The following SLC39A8 variants were observed in gnomAD, a reference collection of about 807,000 sequenced individuals.
SLC39A8 encodes metal cation symporter ZIP8.
Under a neutral mutation model 40.4 loss-of-function variants are expected in SLC39A8, and 15 were observed. The observed-to-expected ratio is 0.37, with a 90% confidence interval of 0.25 to 0.57. The LOEUF is 0.57. SLC39A8 is among the 20% of genes least tolerant of loss of function. SLC39A8 has a pLI of 0.75. For synonymous variants in SLC39A8, 223 were observed against 221.6 expected, an observed-to-expected ratio of 1.01 and a Z score of -0.06; for missense variants, 472 against 558.8, an observed-to-expected ratio of 0.84 and a Z score of 1.57.
chr4:102,328,450 G>T (rs533869928), intron 2 of SLC39A8, among the ~76,000 whole-genome samples: 24 of 152,110 alleles, frequency 1.6e-4, no homozygotes, highest in African/African-American at 5.5e-4. Flanking sequence ...GCTTAAACCA[G>T]CAGAATAGAG....
chr4:102,283,970 C>G (rs111920550), intron 6 of SLC39A8, among the ~76,000 whole-genome samples: 1 of 151,778 alleles, frequency 6.6e-6, no homozygotes, highest in Non-Finnish European at 1.5e-5. Flanking sequence ...TGGATGGTTC[C>G]TTCTTACAAT....
At chr4:102,276,819 C>T (rs772243385) in intron 6 of SLC39A8, among the ~76,000 whole-genome samples, 8 of 152,066 alleles carry the variant, frequency 5.3e-5, no homozygotes, top group African/African-American at 1.4e-4. Context: ...CCCTGGGATG[C>T]GAGGATGGTT....
chr4:102,291,400 G>A lies in SLC39A8; in HGVS notation c.840+12917C>T, dbSNP rs1408678600. Among the ~76,000 whole-genome samples the A allele has an allele frequency of 4.0e-5, 6 of 151,892 alleles. No homozygotes were observed. The East Asian group carries it at 1.2e-3, about 29-fold the overall frequency. Reference sequence around the variant, plus strand: ...TCACCTTACCCACAGAGTTTCTGCTGTCCATGGCAGATCTTCCCAATCTCC... The same window carrying A: ...TCACCTTACCCACAGAGTTTCTGCTATCCATGGCAGATCTTCCCAATCTCC... On this transcript the variant is annotated intron_variant, in intron 6 of 8. Coordinates refer to ENST00000356736, the MANE Select transcript of SLC39A8 (RefSeq NM_001135146.2).
rs149305433 is a variant in SLC39A8 at position 102,338,859 on chromosome 4, T to C, written c.219+5585A>G. On this transcript the variant is annotated intron_variant, in intron 2 of 8. Transcript: ENST00000356736. The stretch of plus-strand genomic sequence containing the variant: ...GAGTTGGTATGAGTATGAAACATGA[T>C]AATACAAATAAATTGGTTAAGGGAG... 6.4e-4 allele frequency among the ~76,000 whole-genome samples: 97 copies of C among 152,278 alleles called. No homozygotes were observed. The East Asian group carries it at 0.011, about 18-fold the overall frequency.
Position 102,320,038 on chromosome 4 carries a change from G to A in SLC39A8, c.220-4208C>T, listed in dbSNP as rs372704552. 8.0e-5 allele frequency among the ~76,000 whole-genome samples: 12 copies of A among 150,712 alleles called. No homozygotes were observed. In the East Asian group the frequency reaches 9.8e-4, roughly 12 times the overall value. ...TACACCACTGGCTCCTCTGGTTCTC[G>A]GGCTTTCAGACACAGGCTAAATTAA... On this transcript the variant is annotated intron_variant, in intron 2 of 8. Transcript: ENST00000356736.
intron 6 of SLC39A8, among the ~76,000 whole-genome samples, chr4:102,274,410 T>C (rs567828973): frequency 6.2e-4 from 94 of 151,948 alleles, no homozygotes; most frequent in African/African-American, 2.1e-3. Context: ...GAAAAAACAA[T>C]GAAGAGGAAC....
At chr4:102,255,129 C>G (rs1192703681) in intron 11 of SLC39A8, among the ~76,000 whole-genome samples, 2 of 152,150 alleles carry the variant, frequency 1.3e-5, no homozygotes, top group Non-Finnish European at 2.9e-5. Context: ...GAAGTTGACT[C>G]CTGACATTGA....
At position 102,320,191 on chromosome 4, in the gene SLC39A8, GTA is replaced by G. The variant is rs1371345326; in HGVS notation, c.220-4363_220-4362del. Among the ~76,000 whole-genome samples, 595 of 66,538 alleles carry G rather than the reference GTA, an allele frequency of 8.9e-3. 8 individuals carry two copies. Among genetic ancestry groups the G allele is most frequent in the Middle Eastern group, 0.047 (4 of 86 alleles). 43.7% of individuals were successfully genotyped at this position (66,538 alleles called of 152,430 possible). A position where few individuals can be genotyped will look rare whatever the true frequency, so the allele number is the denominator to read the frequency against. ...TACATATATATATATATATATATATGTATATATATATGTATATATATATGTAT... is the reference window on the plus strand; with the variant it reads ...TACATATATATATATATATATATATGTATATATATGTATATATATATGTAT... On this transcript the variant is annotated intron_variant, in intron 2 of 8. Transcript: ENST00000356736.
At chr4:102,317,356 GT>G (rs1209625931) in intron 2 of SLC39A8, among the ~76,000 whole-genome samples, 1 of 152,036 alleles carries the variant, frequency 6.6e-6, no homozygotes, top group Non-Finnish European at 1.5e-5. Flanking sequence ...TTTTTTTAAT[GT>G]CTAAGTATGT....
At chr4:102,265,060 C>T (rs1732040747) in intron 8 of SLC39A8, among the ~76,000 whole-genome samples, 1 of 152,182 alleles carries the variant, frequency 6.6e-6, no homozygotes, top group African/African-American at 2.4e-5. Context: ...TAATTTCCTT[C>T]ATCAATCCTT....
intron 6 of SLC39A8, among the ~76,000 whole-genome samples, chr4:102,269,404 TTTAA>T (rs1732247215): frequency 6.6e-6 from 1 of 152,368 alleles, no homozygotes; most frequent in South Asian, 2.1e-4. Flanking sequence ...CAAATATTTT[TTTAA>T]TTAATATGAA....
intron 6 of SLC39A8, among the ~76,000 whole-genome samples, chr4:102,271,105 G>C (rs1732345371): frequency 6.6e-6 from 1 of 151,782 alleles, no homozygotes; most frequent in African/African-American, 2.4e-5. Flanking sequence ...GGATGATTAG[G>C]AGGAGGACAA....
At chr4:102,297,306 G>C (rs1040378272) in intron 6 of SLC39A8, among the ~76,000 whole-genome samples, 1 of 152,076 alleles carries the variant, frequency 6.6e-6, no homozygotes, top group Non-Finnish European at 1.5e-5. Context: ...TGTGGTACCT[G>C]TGTGACCTTG....
chr4:102,304,896 A>G lies in SLC39A8; in HGVS notation c.675+93T>C, dbSNP rs1734100120. ...CAAGCCTAATAACTGGACCATTCTC[A>G]TAATTCTAAAAATAAAATTTCTGTC... On this transcript the variant is annotated intron_variant, in intron 5 of 8. Transcript: ENST00000356736. The G allele has an allele frequency of 4.3e-6, 5 of 1,163,916 alleles. No homozygotes were observed. The Admixed American group carries it at 1.3e-4, about 30-fold the overall frequency. 72.1% of individuals were successfully genotyped at this position (1,163,916 alleles called of 1,614,324 possible). A position where few individuals can be genotyped will look rare whatever the true frequency, so the allele number is the denominator to read the frequency against.
downstream of SLC39A8, among the ~76,000 whole-genome samples, chr4:102,261,496 G>T (rs1014263369): frequency 6.6e-6 from 1 of 152,080 alleles, no homozygotes; most frequent in African/African-American, 2.4e-5. Context: ...TAAAATCGTC[G>T]ACTCTTGGGT....
intron 2 of SLC39A8, among the ~76,000 whole-genome samples, chr4:102,326,111 T>C (rs1735186715): frequency 6.6e-6 from 1 of 152,206 alleles, no homozygotes; most frequent in African/African-American, 2.4e-5. Context: ...TCCCATCATC[T>C]GCTAGGGAAT....
intron 8 of SLC39A8, among the ~76,000 whole-genome samples, chr4:102,263,492 T>G (rs1731957262): frequency 6.6e-6 from 1 of 152,216 alleles, no homozygotes; most frequent in African/African-American, 2.4e-5. Context: ...TCATTCGAGC[T>G]TTGGGTGAGT....
At chr4:102,302,522 A>C (rs1343137441) in intron 6 of SLC39A8, among the ~76,000 whole-genome samples, 1 of 152,052 alleles carries the variant, frequency 6.6e-6, no homozygotes, top group African/African-American at 2.4e-5. Flanking sequence ...CCTTGGGTCA[A>C]ATTATTTTTC....
intron 4 of SLC39A8, among the ~76,000 whole-genome samples, 191 bp from the exon 5 acceptor site, chr4:102,305,302 C>T (rs554681945): frequency 9.3e-4 from 142 of 151,932 alleles, no homozygotes; most frequent in African/African-American, 3.2e-3. Context: ...TATGAGATGG[C>T]ACAAAAACCT....
Sources: allele counts gnomAD v4.1 joint callset (sites outside exome capture counted in the v4.1 genomes callset), GRCh38; gene constraint gnomAD v4.1.1; transcripts MANE v1.5; gene names NCBI Gene and HGNC (gene_info 2026-07-23, HGNC 2026-07-21).